ENOX1: variants seen among roughly 807,000 people sequenced by gnomAD.
ENOX1 encodes the protein ecto-NOX disulfide-thiol exchanger 1.
In ENOX1, 42 loss-of-function variants were observed where a neutral mutation model predicts 82.5. The observed-to-expected ratio is 0.51, with a 90% CI of 0.40 to 0.66. The LOEUF (loss-of-function observed/expected upper bound fraction) is 0.66. Among genes scored for constraint, ENOX1 ranks in the 30% least tolerant of loss-of-function variants. The pLI, the probability that ENOX1 is intolerant of heterozygous loss-of-function variation, is 0.00. For missense variants in ENOX1, 608 were observed against 811.6 expected, an observed-to-expected ratio of 0.75 and a Z score of 3.05; for synonymous variants, 271 against 282.2, an observed-to-expected ratio of 0.96 and a Z score of 0.40.
At chr13:43,734,402 G>A (rs1049469840) in intron 1 of ENOX1, among the ~76,000 whole-genome samples, 1 of 152,092 alleles carries the variant, frequency 6.6e-6, no homozygotes, top group African/African-American at 2.4e-5. Flanking sequence ...CTATCCTAAT[G>A]GAGAAGACCT....
intron 2 of ENOX1, among the ~76,000 whole-genome samples, chr13:43,560,071 G>T (rs780640757): frequency 6.6e-6 from 1 of 152,106 alleles, no homozygotes; most frequent in Non-Finnish European, 1.5e-5. Flanking sequence ...ATTTACACAC[G>T]TGTGTATTTG....
intron 11 of ENOX1, among the ~76,000 whole-genome samples, chr13:43,307,348 C>A (rs1426105506): frequency 6.6e-6 from 1 of 152,150 alleles, no homozygotes; most frequent in Non-Finnish European, 1.5e-5. Flanking sequence ...AAATGAGAAA[C>A]CTGGGACTCA....
At chr13:43,300,656 G>C (rs1566457810) in intron 11 of ENOX1, among the ~76,000 whole-genome samples, 1 of 152,228 alleles carries the variant, frequency 6.6e-6, no homozygotes, top group Non-Finnish European at 1.5e-5. Flanking sequence ...CAGGTGATGG[G>C]AGAAGATGGG....
chr13:43,529,460 A>C (rs1480407710), intron 2 of ENOX1, among the ~76,000 whole-genome samples: 1 of 152,104 alleles, frequency 6.6e-6, no homozygotes, highest in East Asian at 1.9e-4. Context: ...ATATGGAAAG[A>C]AAAATCATAT....
At chr13:43,425,376 A>G (rs1238021873) in intron 3 of ENOX1, among the ~76,000 whole-genome samples, 1 of 152,180 alleles carries the variant, frequency 6.6e-6, no homozygotes, top group Non-Finnish European at 1.5e-5. Context: ...TACAGACCCA[A>G]GGCCTTTACC....
At chr13:43,272,584 C>T (rs188515907) in intron 12 of ENOX1, among the ~76,000 whole-genome samples, 24 of 152,150 alleles carry the variant, frequency 1.6e-4, no homozygotes, top group Admixed American at 1.6e-3. Flanking sequence ...TGATTTTAAG[C>T]ATCTTATATA....
chr13:43,234,045 C>T (rs932306035), intron 15 of ENOX1, among the ~76,000 whole-genome samples: 1 of 152,186 alleles, frequency 6.6e-6, no homozygotes, highest in Admixed American at 6.5e-5. Flanking sequence ...TGATCCAGAG[C>T]AGTTTTGTCC....
intron 1 of ENOX1, among the ~76,000 whole-genome samples, chr13:43,715,258 T>C (rs1390230980): frequency 6.6e-6 from 1 of 152,244 alleles, no homozygotes; most frequent in Non-Finnish European, 1.5e-5. Flanking sequence ...TTCTGGCTTG[T>C]AGAGTTTCTG....
intron 1 of ENOX1, among the ~76,000 whole-genome samples, chr13:43,697,397 T>C (rs1054142527): frequency 2.0e-5 from 3 of 152,300 alleles, no homozygotes; most frequent in African/African-American, 4.8e-5. Context: ...GACAAGGCCA[T>C]GCAAGGGCTT....
chr13:43,726,753 TGAGA>T (rs1555370112), intron 1 of ENOX1, among the ~76,000 whole-genome samples: 22 of 141,052 alleles, frequency 1.6e-4, no homozygotes, highest in African/African-American at 5.8e-4. Context: ...TGTGTGTGTG[TGAGA>T]GAGAGACAGG....
intron 2 of ENOX1, among the ~76,000 whole-genome samples, chr13:43,645,166 A>G (rs530386316): frequency 1.3e-5 from 2 of 152,304 alleles, no homozygotes; most frequent in South Asian, 2.1e-4. Flanking sequence ...TTATTTATTT[A>G]TATCTTTAGA....
At chr13:43,730,519 G>C (rs2089279622) in intron 1 of ENOX1, among the ~76,000 whole-genome samples, 1 of 152,102 alleles carries the variant, frequency 6.6e-6, no homozygotes, top group Admixed American at 6.5e-5. Flanking sequence ...AAATCAATAA[G>C]TCTCCTACCT....
intron 1 of ENOX1, among the ~76,000 whole-genome samples, chr13:43,695,306 G>A (rs535676909): frequency 1.3e-5 from 2 of 152,068 alleles, no homozygotes; most frequent in Non-Finnish European, 2.9e-5. Flanking sequence ...TCTAAGTAGG[G>A]GTTACCTAAC....
chr13:43,704,831 G>C (rs2087148037), intron 1 of ENOX1, among the ~76,000 whole-genome samples: 1 of 152,170 alleles, frequency 6.6e-6, no homozygotes, highest in African/African-American at 2.4e-5. Flanking sequence ...TTATTATCTT[G>C]AATTTGCAAT....
At chr13:43,580,664 T>A (rs1409856675) in intron 2 of ENOX1, among the ~76,000 whole-genome samples, 1 of 152,206 alleles carries the variant, frequency 6.6e-6, no homozygotes, top group Non-Finnish European at 1.5e-5. Context: ...TAGCCAAAAA[T>A]TGCTTCAAAA....
At chr13:43,682,631 AT>A (rs1361912676) in intron 1 of ENOX1, among the ~76,000 whole-genome samples, 2 of 152,186 alleles carry the variant, frequency 1.3e-5, no homozygotes, top group Non-Finnish European at 2.9e-5. Context: ...AATTGCAAAA[AT>A]TAAACACTCA....
intron 1 of ENOX1, among the ~76,000 whole-genome samples, chr13:43,715,746 C>A (rs1197378139): frequency 2.0e-5 from 3 of 152,168 alleles, no homozygotes; most frequent in Non-Finnish European, 4.4e-5. Flanking sequence ...CCCTTTCTTC[C>A]AGTTGATCGC....
chr13:43,607,256 T>G (rs1354862036), intron 2 of ENOX1, among the ~76,000 whole-genome samples: 1 of 150,150 alleles, frequency 6.7e-6, no homozygotes, highest in South Asian at 2.1e-4. Flanking sequence ...AATTAAAAAT[T>G]AAAAAAAAAA....
rs528464469 is a variant in ENOX1, at chr13:43,716,544, A to G, written c.-284-49000T>C. On this transcript the variant is annotated intron_variant, in intron 1 of 16. Transcript: ENST00000690772. ...AAGTCCTGGACAGAGCATTCAGGCA[A>G]GAGAAAGATTTAATAAAAGGTATCC... 2.0e-5 allele frequency among the ~76,000 whole-genome samples: 3 copies of G among 152,320 alleles called. No individual in the cohort carries two copies. In the South Asian group the frequency reaches 6.2e-4, roughly 32 times the overall value.
Sources: gnomAD v4.1 joint callset for allele counts (sites outside exome capture counted in the v4.1 genomes callset) on GRCh38, gnomAD v4.1.1 for gene constraint, MANE v1.5 for transcripts, NCBI Gene and HGNC (gene_info 2026-07-23, HGNC 2026-07-21) for gene names.